Variants in CLDN14 observed in about 807,000 individuals in gnomAD.
CLDN14 encodes claudin 14.
In CLDN14, 2 loss-of-function variants were observed where a neutral mutation model predicts 2.1. That is an observed-to-expected ratio of 0.96 (90% CI 0.39 to 3.01). The LOEUF (loss-of-function observed/expected upper bound fraction) is 3.01, where lower values mean the gene tolerates loss of function less well. Among genes scored for constraint, CLDN14 ranks in the 30% most tolerant of loss-of-function variants. CLDN14 has a pLI of 0.09. For missense variants in CLDN14, 298 were observed against 328.0 expected (o/e 0.91, Z 0.71); for synonymous variants, 136 against 154.4 (o/e 0.88, Z 0.88).
intron 1 of CLDN14, among the ~76,000 whole-genome samples, chr21:36,553,564 G>A (rs2087577584): frequency 6.6e-6 from 1 of 151,978 alleles, no homozygotes; most frequent in African/African-American, 2.4e-5. Context: ...CCCCATCTTG[G>A]CCCACTTTGG....
intron 1 of CLDN14, chr21:36,526,441 C>T (rs951516861): frequency 3.9e-5 from 6 of 152,156 alleles, no homozygotes; most frequent in Non-Finnish European, 1.5e-5. Context: ...CAGGACCAGA[C>T]CAGAACTCAG....
In CLDN14 at chr21:36,463,319, T is replaced by G. The variant is rs538137714; in HGVS notation, c.-81-1543A>C. On this transcript the variant is annotated intron_variant, in intron 1 of 1. Transcript: ENST00000399135. Reference sequence around the variant, plus strand: ...AAAGAATCAGTAGGCAAAACCTGCTTCTTCTTCTGCAGAGAGCTGAGCCTC... The same window carrying G: ...AAAGAATCAGTAGGCAAAACCTGCTGCTTCTTCTGCAGAGAGCTGAGCCTC... Among the ~76,000 whole-genome samples the G allele has an allele frequency of 7.4e-4, 112 of 152,344 alleles. 5 individuals carry two copies. The South Asian group carries it at 0.021, about 28-fold the overall frequency.
At position 36,476,030 on chromosome 21, in the gene CLDN14, CAG is replaced by C. The variant is rs373475187; in HGVS notation, c.-82+3463_-82+3464del. Among the ~76,000 whole-genome samples the C allele has an allele frequency of 5.8e-4, 89 of 152,268 alleles. No individual in the cohort carries two copies. In the East Asian group the frequency reaches 0.014, roughly 23 times the overall value. Reference sequence around the variant, plus strand: ...CTTTAAAGAGTCCAAAACGGTTTAACAGAGAGTCATAGTTCAGATGTCTGTTC... The same window carrying C: ...CTTTAAAGAGTCCAAAACGGTTTAACAGAGTCATAGTTCAGATGTCTGTTC... On this transcript the variant is annotated intron_variant, in intron 1 of 1. Coordinates refer to ENST00000399135, the MANE Select transcript of CLDN14 (RefSeq NM_001146079.2).
At chr21:36,560,260 G>C (rs971106323) in intron 1 of CLDN14, among the ~76,000 whole-genome samples, 1 of 149,390 alleles carries the variant, frequency 6.7e-6, no homozygotes, top group South Asian at 2.1e-4. Context: ...CGCTCTTGTC[G>C]CTATGAATAT....
rs544277457 is a variant in CLDN14 at position 36,554,487 on chromosome 21, A to G, written c.-220+21924T>C. 1.1e-4 allele frequency among the ~76,000 whole-genome samples: 17 copies of G among 152,352 alleles called. No homozygotes were observed. The South Asian group carries it at 3.3e-3, about 30-fold the overall frequency. On this transcript the variant is annotated intron_variant, in intron 1 of 2. Coordinates refer to the CLDN14 transcript ENST00000342108. ...ATAAACGGCCACACAAGAGAAGCTT[A>G]GTCGGGTCAGGCCCGCCTTGTTGGG...
rs77973619 is a variant in CLDN14, at chr21:36,574,726, T to A, written c.-220+1685A>T. ...TTACTTATACCTAAATTAATTTTTTTAAGTAAGAAATAAAAATTCCTTAGA... is the reference window on the plus strand; with the variant it reads ...TTACTTATACCTAAATTAATTTTTTAAAGTAAGAAATAAAAATTCCTTAGA... On this transcript the variant is annotated intron_variant, in intron 1 of 2. Transcript: ENST00000342108. 8.1e-3 allele frequency among the ~76,000 whole-genome samples: 1,238 copies of A among 152,352 alleles called. 22 individuals carry two copies. The highest frequency in any genetic ancestry group is 0.028 in the African/African-American group (1,166 of 41,588).
intron 1 of CLDN14, among the ~76,000 whole-genome samples, chr21:36,511,774 G>A (rs1442505564): frequency 6.6e-6 from 1 of 152,122 alleles, no homozygotes; most frequent in African/African-American, 2.4e-5. Flanking sequence ...GCAGGTTGAT[G>A]CCAACATCTG....
At position 36,551,637 on chromosome 21, in the gene CLDN14, T is replaced by A. The variant is rs1331879379; in HGVS notation, c.-220+24774A>T. 6.6e-6 allele frequency among the ~76,000 whole-genome samples: 1 copy of A among 152,150 alleles called. No homozygotes were observed. Among genetic ancestry groups the A allele is most frequent in the Non-Finnish European group, 1.5e-5 (1 of 68,026 alleles). On this transcript the variant is annotated intron_variant, in intron 1 of 2. Transcript: ENST00000342108. The surrounding 1 kb of genome is among the most constrained non-coding windows in gnomAD (Gnocchi z 4.8). ...CCGCCTTGGGTGGTGGGTAGAGGGA[T>A]GACCCTGAGCCAGCCCTGTTGCAAC...
At chr21:36,525,417 G>A (rs1050471922) in intron 1 of CLDN14, among the ~76,000 whole-genome samples, 5 of 151,348 alleles carry the variant, frequency 3.3e-5, no homozygotes, top group Non-Finnish European at 7.4e-5. Context: ...AAGACTTGAA[G>A]CTGGCAGCGA....
intron 1 of CLDN14, among the ~76,000 whole-genome samples, chr21:36,566,906 G>A (rs1013066497): frequency 3.9e-5 from 6 of 152,192 alleles, no homozygotes; most frequent in Admixed American, 6.5e-5. Context: ...GAAGACATCC[G>A]TCTGCCATCG....
At chr21:36,472,386 T>C (rs756139569) in intron 1 of CLDN14, among the ~76,000 whole-genome samples, 25 of 152,180 alleles carry the variant, frequency 1.6e-4, no homozygotes, top group Non-Finnish European at 3.1e-4. Flanking sequence ...TTGCCACTTA[T>C]TGAGAGCTTG....
chr21:36,550,254 T>C (rs2087554037), intron 1 of CLDN14, among the ~76,000 whole-genome samples: 1 of 152,180 alleles, frequency 6.6e-6, no homozygotes, highest in South Asian at 2.1e-4. Flanking sequence ...CTGCATTAAA[T>C]TAAATTCACT....
At chr21:36,540,460 C>A (rs1035882644) in intron 1 of CLDN14, among the ~76,000 whole-genome samples, 1 of 152,144 alleles carries the variant, frequency 6.6e-6, no homozygotes, top group Non-Finnish European at 1.5e-5. Context: ...AGGAACATAT[C>A]TAATTACCAG....
chr21:36,525,808 C>G (rs755978165), intron 1 of CLDN14, among the ~76,000 whole-genome samples: 6 of 152,122 alleles, frequency 3.9e-5, no homozygotes, highest in African/African-American at 1.2e-4. Flanking sequence ...TACCAAGGAG[C>G]CTTGGTACCA....
rs370856904 is a variant in CLDN14 at position 36,473,372 on chromosome 21, G to A, written c.-82+6123C>T. Among the ~76,000 whole-genome samples, 5 of 151,884 alleles carry A rather than the reference G, an allele frequency of 3.3e-5. No homozygotes were observed. The South Asian group carries it at 1.0e-3, about 32-fold the overall frequency. On this transcript the variant is annotated intron_variant, in intron 1 of 1. Transcript: ENST00000399135. ...AAGGCTGTTGGAATTACAGGTGTGA[G>A]CCACTGTGCCTGGCCCACCCTGCAG...
chr21:36,518,231 T>C (rs1206016457), intron 1 of CLDN14, among the ~76,000 whole-genome samples: 1 of 152,196 alleles, frequency 6.6e-6, no homozygotes, highest in African/African-American at 2.4e-5. Flanking sequence ...TCTACCTCTT[T>C]TTCAAATTTC....
chr21:36,525,034 C>T lies in CLDN14; in HGVS notation c.-219-14534G>A, dbSNP rs953045688. 9.2e-5 allele frequency among the ~76,000 whole-genome samples: 14 copies of T among 152,308 alleles called. No individual in the cohort carries two copies. In the South Asian group the frequency reaches 2.1e-3, roughly 23 times the overall value. ...TTCTCATGGGCGCTGCTCCGACACC[C>T]ACCCCAGGTGCTCTGTGGAATGTGC... On this transcript the variant is annotated intron_variant, in intron 1 of 2. Transcript: ENST00000342108.
intron 1 of CLDN14, among the ~76,000 whole-genome samples, chr21:36,570,698 A>C (rs1465907404): frequency 6.6e-6 from 1 of 152,236 alleles, no homozygotes; most frequent in South Asian, 2.1e-4. Context: ...ATAATTATTT[A>C]ATCTGGTTGG....
At position 36,533,558 on chromosome 21, in the gene CLDN14, T is replaced by C. The variant is rs1389336302; in HGVS notation, c.-219-23058A>G. Among the ~76,000 whole-genome samples the C allele has an allele frequency of 7.2e-5, 11 of 152,098 alleles. No individual in the cohort carries two copies. In the South Asian group the frequency reaches 1.0e-3, roughly 14 times the overall value. On this transcript the variant is annotated intron_variant, in intron 1 of 2. Coordinates refer to the CLDN14 transcript ENST00000342108. ...AGACATTGTACCACGTGGGAAAATA[T>C]TGATGATGAGACCACATTAGAGAAA...
Sources: allele counts gnomAD v4.1 joint callset (sites outside exome capture counted in the v4.1 genomes callset), GRCh38; gene constraint gnomAD v4.1.1; non-coding constraint Gnocchi (gnomAD v3.1); transcripts MANE v1.5; gene names NCBI Gene and HGNC (gene_info 2026-07-23, HGNC 2026-07-21).